The following JARID2 variants were observed in gnomAD, a reference collection of about 807,000 sequenced individuals.
JARID2 encodes jumonji and AT-rich interaction domain containing 2.
In JARID2, 21 loss-of-function variants were observed where a neutral mutation model predicts 125.6. The ratio of observed to expected loss-of-function variants is 0.17; its 90% CI spans 0.12 to 0.24. The LOEUF is 0.24. JARID2 is among the 10% of genes least tolerant of loss of function. The pLI, the probability that JARID2 is intolerant of heterozygous loss-of-function variation, is 1.00. For missense variants in JARID2, 1,303 were observed against 1,639.6 expected, an observed-to-expected ratio of 0.79 and a Z score of 3.55; for synonymous variants, 736 against 661.6, an observed-to-expected ratio of 1.11 and a Z score of -1.73.
intron 1 of JARID2, among the ~76,000 whole-genome samples, chr6:15,295,497 G>T (rs550295276): frequency 1.3e-5 from 2 of 152,050 alleles, no homozygotes; most frequent in African/African-American, 4.8e-5. Flanking sequence ...CCATTTCAAC[G>T]GAAAACAGTG....
In JARID2 at chr6:15,512,204, C is replaced by T. The variant is rs948306084; in HGVS notation, c.2953-4C>T. On this transcript the variant is annotated splice_region_variant and splice_polypyrimidine_tract_variant and intron_variant, in intron 13 of 17. Coordinates refer to ENST00000341776, the MANE Select transcript of JARID2 (RefSeq NM_004973.4). ...GGTGCCTCAGCCTGGCCCTGTCTCC[C>T]CAGATCTCCCCGGAGGTGCTGTGCA... 3.7e-6 allele frequency: 6 copies of T among 1,612,986 alleles called. No individual in the cohort carries two copies. The South Asian group carries it at 5.5e-5, about 15-fold the overall frequency.
intron 3 of JARID2, among the ~76,000 whole-genome samples, chr6:15,444,633 G>A (rs1359296601): frequency 1.3e-5 from 2 of 149,676 alleles, no homozygotes; most frequent in Non-Finnish European, 3.0e-5. Context: ...TTTTTGAATA[G>A]GCCTTTCAGC....
intron 1 of JARID2, among the ~76,000 whole-genome samples, chr6:15,311,111 C>T (rs1284325619): frequency 6.6e-6 from 1 of 152,168 alleles, no homozygotes; most frequent in Non-Finnish European, 1.5e-5. Context: ...CTCAGAGACC[C>T]TTCCGCGTGG....
At chr6:15,364,492 C>T (rs2127499484) in intron 1 of JARID2, among the ~76,000 whole-genome samples, 1 of 152,316 alleles carries the variant, frequency 6.6e-6, no homozygotes, top group East Asian at 1.9e-4. Context: ...ATGTTTCCTG[C>T]AAGAGGGGTT....
At chr6:15,246,986 T>C (rs1443210236) in intron 1 of JARID2, among the ~76,000 whole-genome samples, 1 of 152,226 alleles carries the variant, frequency 6.6e-6, no homozygotes, top group African/African-American at 2.4e-5. Context: ...GGAAAAATCG[T>C]GTAACGCATG....
chr6:15,485,068 G>A (rs1034924769), intron 5 of JARID2, among the ~76,000 whole-genome samples: 17 of 152,142 alleles, frequency 1.1e-4, no homozygotes, highest in African/African-American at 3.1e-4. Flanking sequence ...TCTGACAATG[G>A]GTAGTTACTT....
Position 15,497,013 on chromosome 6 carries a change from G to T in JARID2, c.1788G>T (p.Arg596=). ...MCRVIPPPDW[R]PECKLNDEMR... ...GGGTGATCCCCCCTCCGGACTGGCG[G>T]CCCGAGTGCAAGCTCAACGATGAGA... is the stretch of plus-strand genomic sequence containing the variant. Residue 596 remains arginine, a synonymous_variant, in exon 7 of 18, where the codon CGG becomes CGT. Coordinates refer to ENST00000341776, the MANE Select transcript of JARID2 (RefSeq NM_004973.4). 2.4e-5 allele frequency: 39 copies of T among 1,613,832 alleles called. No homozygotes were observed. Among genetic ancestry groups the T allele is most frequent in the Non-Finnish European group, 3.3e-5 (39 of 1,179,908 alleles).
Position 15,512,303 on chromosome 6 carries a change from G to A in JARID2, c.3048G>A (p.Val1016=). 1.2e-6 allele frequency: 2 copies of A among 1,614,160 alleles called. No individual in the cohort carries two copies. Among genetic ancestry groups the A allele is most frequent in the South Asian group, 1.1e-5 (1 of 91,084 alleles). The change falls in exon 14 of 18, where the codon GTG becomes GTA. Residue 1016 remains valine (V), a synonymous_variant. Transcript: ENST00000341776. ...TCGTCTGCTTCCCGGGATCCTTTGTGTCCAAAGTGTGCTGTGGGTACAGCG... is the reference window on the plus strand; with the variant it reads ...TCGTCTGCTTCCCGGGATCCTTTGTATCCAAAGTGTGCTGTGGGTACAGCG... ...QFVVCFPGSF[V]SKVCCGYSVS... is the part of the protein sequence containing the mutation.
At chr6:15,481,972 G>C (rs969951213) in intron 5 of JARID2, among the ~76,000 whole-genome samples, 6 of 152,156 alleles carry the variant, frequency 3.9e-5, no homozygotes, top group African/African-American at 1.2e-4. Context: ...CCGCTTTGCT[G>C]TCCATAGTAT....
At chr6:15,489,944 C>G (rs1056883377) in intron 6 of JARID2, among the ~76,000 whole-genome samples, 12 of 152,252 alleles carry the variant, frequency 7.9e-5, no homozygotes, top group African/African-American at 2.7e-4. Context: ...GCTCCAGATT[C>G]TAATTTGGCT....
chr6:15,383,828 G>A (rs1013455237), intron 2 of JARID2, among the ~76,000 whole-genome samples: 1 of 152,028 alleles, frequency 6.6e-6, no homozygotes, highest in African/African-American at 2.4e-5. Context: ...ATGGAGTTTC[G>A]CTCTTGTCCA....
At chr6:15,460,805 A>AGGT (rs1561877683) in intron 4 of JARID2, among the ~76,000 whole-genome samples, 4 of 152,148 alleles carry the variant, frequency 2.6e-5, no homozygotes, top group African/African-American at 9.7e-5. Flanking sequence ...CCCATGTTCA[A>AGGT]GGTATTCTCC....
chr6:15,517,916 T>C (rs892144829), intron 17 of JARID2, among the ~76,000 whole-genome samples: 7 of 152,250 alleles, frequency 4.6e-5, no homozygotes, highest in African/African-American at 1.7e-4. Flanking sequence ...ATTGTGGTCA[T>C]TGCACATTTG....
chr6:15,513,243 A>C lies in JARID2; in HGVS notation c.3271A>C (p.Thr1091Pro). ...ISALLDELRD[T>P]ELRQRRQLFE... Reference sequence around the variant, plus strand: ...GCCGTCTCCCGTGTCTGGCAGGGATACAGAGCTGCGGCAGCGCAGGCAGCT... The same window carrying C: ...GCCGTCTCCCGTGTCTGGCAGGGATCCAGAGCTGCGGCAGCGCAGGCAGCT... The change falls in exon 16 of 18, where the codon ACA becomes CCA. Residue 1091 changes from threonine to proline, a missense_variant. Thr to Pro is a conservative substitution (Grantham distance 38, BLOSUM62 -1). This residue lies in a region of JARID2 where 190 missense variants were observed against 341.4 expected (regional missense o/e 0.56). Transcript: ENST00000341776. The C allele has an allele frequency of 6.4e-7, 1 of 1,565,472 alleles. No individual in the cohort carries two copies. The highest frequency in any genetic ancestry group is 8.7e-7 in the Non-Finnish European group (1 of 1,153,198).
At chr6:15,312,436 T>G (rs979897283) in intron 1 of JARID2, among the ~76,000 whole-genome samples, 3 of 152,232 alleles carry the variant, frequency 2.0e-5, no homozygotes, top group African/African-American at 7.2e-5. Context: ...TGATAACTTA[T>G]GACAACTGCA....
chr6:15,270,977 C>CCTTG (rs1236136165), intron 1 of JARID2, among the ~76,000 whole-genome samples: 1 of 151,962 alleles, frequency 6.6e-6, no homozygotes, highest in East Asian at 1.9e-4. Context: ...AACTGTGGGA[C>CCTTG]CTTGGGCAAA....
At position 15,299,291 on chromosome 6, in the gene JARID2, A is replaced by C. The variant is rs531449562; in HGVS notation, c.45+52707A>C. Among the ~76,000 whole-genome samples, 4 of 152,328 alleles carry C rather than the reference A, an allele frequency of 2.6e-5. No homozygotes were observed. In the South Asian group the frequency reaches 8.3e-4, roughly 32 times the overall value. ...CCTAATTTGTAAGGATGAGGGCATC[A>C]GTAGGTAGCTTGTAATCTTCATTGG... On this transcript the variant is annotated intron_variant, in intron 1 of 17. Transcript: ENST00000341776.
intron 1 of JARID2, among the ~76,000 whole-genome samples, chr6:15,313,507 G>C (rs1762082537): frequency 6.6e-6 from 1 of 152,130 alleles, no homozygotes. Context: ...CAGCTTTTCT[G>C]GGAAGTCTGC....
intron 1 of JARID2, among the ~76,000 whole-genome samples, chr6:15,349,646 G>T (rs953576116): frequency 1.3e-5 from 2 of 152,100 alleles, no homozygotes; most frequent in Non-Finnish European, 2.9e-5. Context: ...AAAAGGAAGG[G>T]ATTCCATGAA....
Sources: allele counts gnomAD v4.1 joint callset (sites outside exome capture counted in the v4.1 genomes callset), GRCh38; gene constraint gnomAD v4.1.1; regional missense constraint gnomAD v4.1.1; transcripts MANE v1.5; gene names NCBI Gene and HGNC (gene_info 2026-07-23, HGNC 2026-07-21).